Variants in DENND4A observed in about 807,000 individuals in gnomAD.
DENND4A encodes the protein C-myc promoter-binding protein.
Under a neutral mutation model 199.3 loss-of-function variants are expected in DENND4A, and 70 were observed. That is an observed-to-expected ratio of 0.35 (90% CI 0.29 to 0.43). The LOEUF (loss-of-function observed/expected upper bound fraction) is 0.43. Among genes scored for constraint, DENND4A ranks in the 20% least tolerant of loss-of-function variants. The pLI is 1.00. For missense variants in DENND4A, 1,723 were observed against 2,255.8 expected, an observed-to-expected ratio of 0.76 and a Z score of 4.78; for synonymous variants, 686 against 766.9, an observed-to-expected ratio of 0.89 and a Z score of 1.74.
chr15:65,773,855 GTTTT>G (rs1031087902), intron 1 of DENND4A, among the ~76,000 whole-genome samples: 16 of 152,120 alleles, frequency 1.1e-4, no homozygotes, highest in Admixed American at 3.3e-4. Flanking sequence ...CTTTTTAGGG[GTTTT>G]TTTGTTTGTT....
intron 23 of DENND4A, among the ~76,000 whole-genome samples, chr15:65,678,630 G>C (rs2076467504): frequency 6.6e-6 from 1 of 152,148 alleles, no homozygotes; most frequent in Non-Finnish European, 1.5e-5. Flanking sequence ...TTTTTCAGTG[G>C]TAGTAGATAA....
intron 24 of DENND4A, 117 bp downstream of exon 24, chr15:65,676,328 T>C (rs1308658349): frequency 8.4e-5 from 80 of 955,412 alleles, no homozygotes; most frequent in Non-Finnish European, 1.3e-5. Flanking sequence ...TTTGGAACTA[T>C]ACAAATTGTT....
At chr15:65,668,226 T>TA (rs1197399202) in intron 27 of DENND4A, 103 bp from the exon 28 acceptor site, 10 of 830,136 alleles carry the variant, frequency 1.2e-5, no homozygotes, top group South Asian at 3.9e-5. Context: ...TTTTTTTTTT[T>TA]AAGACAGAGT....
At chr15:65,725,795 T>A (rs2075789893) in intron 11 of DENND4A, among the ~76,000 whole-genome samples, 1 of 152,230 alleles carries the variant, frequency 6.6e-6, no homozygotes, top group South Asian at 2.1e-4. Flanking sequence ...TTAATTTCTT[T>A]CCCTTTCTTC....
At chr15:65,674,940 T>C (rs2076328497) in intron 24 of DENND4A, among the ~76,000 whole-genome samples, 1 of 152,170 alleles carries the variant, frequency 6.6e-6, no homozygotes, top group Non-Finnish European at 1.5e-5. Flanking sequence ...TGGTTATTGG[T>C]TGATAATTAT....
At position 65,670,155 on chromosome 15, in the gene DENND4A, A is replaced by G; in HGVS notation, c.4498T>C (p.Cys1500Arg). Reference protein sequence around the residue: ...LISSCSRCRTCDCLVHDEEIM... With the variant: ...LISSCSRCRTRDCLVHDEEIM... Reference sequence around the variant, plus strand: ...TCCTCATCATGGACAAGACAATCACAAGTTCTACACCGAGAGCAACTTGAG... The same window carrying G: ...TCCTCATCATGGACAAGACAATCACGAGTTCTACACCGAGAGCAACTTGAG... The change falls in exon 26 of 33, where the codon TGT becomes CGT. Residue 1500 changes from cysteine (C) to arginine (R), a missense_variant. Physicochemically the swap from Cys to Arg is radical, Grantham distance 180 (BLOSUM62 -3). Around this residue, in one of 6 missense-constraint regions of DENND4A, gnomAD observed 650 missense variants for 738.1 expected, o/e 0.88. Coordinates refer to ENST00000443035, the MANE Select transcript of DENND4A (RefSeq NM_001320835.1). The G allele has an allele frequency of 6.4e-7, 1 of 1,572,350 alleles. No homozygotes were observed. Among genetic ancestry groups the G allele is most frequent in the Non-Finnish European group, 8.6e-7 (1 of 1,158,592 alleles).
intron 4 of DENND4A, among the ~76,000 whole-genome samples, chr15:65,748,340 A>C (rs1357686663): frequency 6.6e-6 from 1 of 152,044 alleles, no homozygotes; most frequent in East Asian, 1.9e-4. Flanking sequence ...ATTTACAGCT[A>C]AGCAAAGTCA....
At chr15:65,681,679 G>A (rs183514103) in intron 23 of DENND4A, among the ~76,000 whole-genome samples, 5 of 151,366 alleles carry the variant, frequency 3.3e-5, no homozygotes, top group East Asian at 1.9e-4. Context: ...AGATTCAAGC[G>A]ATTCTCCCAC....
In DENND4A at chr15:65,668,215, T is replaced by TC. The variant is rs1360424855; in HGVS notation, c.4788-93_4788-92insG. 51 of 1,025,728 alleles carry TC rather than the reference T, an allele frequency of 5.0e-5. No homozygotes were observed. The East Asian group carries it at 1.4e-3, about 28-fold the overall frequency. 63.5% of individuals were successfully genotyped at this position (1,025,728 alleles called of 1,614,324 possible). Reference sequence around the variant, plus strand: ...CATGTTCTCTCTCTCTCTCTCTTTTTTTTTTTTTTTTAAGACAGAGTCTTG... The same window carrying TC: ...CATGTTCTCTCTCTCTCTCTCTTTTTCTTTTTTTTTTTAAGACAGAGTCTTG... On this transcript the variant is annotated intron_variant, in intron 27 of 32. Coordinates refer to ENST00000443035, the MANE Select transcript of DENND4A (RefSeq NM_001320835.1).
chr15:65,686,419 CCTCTT>C (rs2142028646), intron 23 of DENND4A, among the ~76,000 whole-genome samples: 1 of 152,216 alleles, frequency 6.6e-6, no homozygotes, highest in East Asian at 1.9e-4. Flanking sequence ...ATTTTTGTTA[CCTCTT>C]CTATCAACTG....
At chr15:65,746,369 CTTTTTTTTTTTTTTTTTTTT>C (rs573935476) in intron 4 of DENND4A, among the ~76,000 whole-genome samples, 25 of 51,302 alleles carry the variant, frequency 4.9e-4, no homozygotes, top group Non-Finnish European at 7.3e-4. Context: ...ACTTTTTTCT[CTTTTTTTTTTTTTTTTTTTT>C]TTTTTTTTTT....
chr15:65,772,579 C>T (rs2077163281), intron 1 of DENND4A, among the ~76,000 whole-genome samples: 2 of 151,436 alleles, frequency 1.3e-5, no homozygotes, highest in Admixed American at 1.3e-4. Flanking sequence ...TGGTGGCACC[C>T]GCCTGTAATC....
intron 1 of DENND4A, among the ~76,000 whole-genome samples, chr15:65,782,355 G>A (rs916065714): frequency 6.6e-6 from 1 of 152,116 alleles, no homozygotes; most frequent in African/African-American, 2.4e-5. Context: ...TCTCCCAAGA[G>A]ACGGCTTCCC....
intron 1 of DENND4A, among the ~76,000 whole-genome samples, chr15:65,777,555 G>C (rs774787724): frequency 6.6e-6 from 1 of 152,030 alleles, no homozygotes; most frequent in Non-Finnish European, 1.5e-5. Flanking sequence ...GTTTCGTCAT[G>C]TTAGCCAGGC....
rs556794413 is a variant in DENND4A at position 65,747,039 on chromosome 15, G to C, written c.562-5255C>G. Among the ~76,000 whole-genome samples the C allele has an allele frequency of 6.6e-5, 10 of 151,794 alleles. No homozygotes were observed. The South Asian group carries it at 2.1e-3, about 32-fold the overall frequency. On this transcript the variant is annotated intron_variant, in intron 4 of 32. Coordinates refer to ENST00000443035, the MANE Select transcript of DENND4A (RefSeq NM_001320835.1). Reference sequence around the variant, plus strand: ...GACAATCACTTGAACCCAGGAGGTGGAGGTTGCAGGGAGCCGAGATCGCAC... The same window carrying C: ...GACAATCACTTGAACCCAGGAGGTGCAGGTTGCAGGGAGCCGAGATCGCAC...
intron 15 of DENND4A, 135 bp from the exon 16 acceptor site, chr15:65,703,143 G>T: frequency 1.3e-6 from 1 of 770,384 alleles, no homozygotes; most frequent in South Asian, 2.2e-5. Context: ...TTGTCAGGCT[G>T]TGATATACAC....
intron 1 of DENND4A, among the ~76,000 whole-genome samples, chr15:65,781,765 G>A (rs1024917439): frequency 7.9e-5 from 12 of 152,276 alleles, no homozygotes; most frequent in African/African-American, 2.9e-4. Context: ...AAATGGCCTG[G>A]GGAGTAATGG....
chr15:65,677,927 CT>C (rs11071847), intron 23 of DENND4A, among the ~76,000 whole-genome samples: 2,882 of 100,072 alleles, frequency 0.029, 15 homozygotes, highest in Middle Eastern at 0.054. Flanking sequence ...CCTCTTATCT[CT>C]TTTTTTTTTT....
intron 1 of DENND4A, among the ~76,000 whole-genome samples, chr15:65,772,329 C>T (rs1362208030): frequency 6.6e-6 from 1 of 152,084 alleles, no homozygotes. Context: ...AGCATGTGAA[C>T]TCCCTTTCTA....
Sources: allele counts gnomAD v4.1 joint callset (sites outside exome capture counted in the v4.1 genomes callset), GRCh38; gene constraint gnomAD v4.1.1; regional missense constraint gnomAD v4.1.1; transcripts MANE v1.5; gene names NCBI Gene and HGNC (gene_info 2026-07-23, HGNC 2026-07-21).